Variants in STK32A observed in about 807,000 individuals in gnomAD.
STK32A encodes the protein serine/threonine kinase 32A, also known as serine/threonine-protein kinase 32A.
In STK32A, 41 loss-of-function variants were observed where a neutral mutation model predicts 53.2. The observed-to-expected ratio is 0.77, with a 90% CI of 0.60 to 1.00. STK32A has a LOEUF of 1.00. Ranked by LOEUF, STK32A falls within the 50% of genes least tolerant of loss-of-function variation. The pLI is 0.00. For missense variants in STK32A, 458 were observed against 485.8 expected, an observed-to-expected ratio of 0.94 and a Z score of 0.54; for synonymous variants, 166 against 162.8, an observed-to-expected ratio of 1.02 and a Z score of -0.15.
rs140708281 is a variant in STK32A, at chr5:147,344,665, G to A, written c.472+1622G>A. Among the ~76,000 whole-genome samples the A allele has an allele frequency of 6.8e-4, 103 of 152,302 alleles. 1 individual carries two copies. Among genetic ancestry groups the A allele is most frequent in the African/African-American group, 2.5e-3 (102 of 41,578 alleles). On this transcript the variant is annotated intron_variant, in intron 6 of 12. Transcript: ENST00000397936. ...CTTCTAGCCTATAGAGGCCACCTTT[G>A]TGCAACTTAGGGAGAAGTGCTCCCC... is the stretch of plus-strand genomic sequence containing the variant.
At chr5:147,347,437 C>G (rs1428671750) in intron 6 of STK32A, among the ~76,000 whole-genome samples, 1 of 152,084 alleles carries the variant, frequency 6.6e-6, no homozygotes, top group Non-Finnish European at 1.5e-5. Flanking sequence ...TAATTTTGCT[C>G]TACTCCTTCT....
chr5:147,253,723 T>A (rs1431488867), intron 2 of STK32A, among the ~76,000 whole-genome samples: 1 of 152,172 alleles, frequency 6.6e-6, no homozygotes, highest in Non-Finnish European at 1.5e-5. Flanking sequence ...TCAAGAAGGA[T>A]CCCTGGAGTC....
intron 4 of STK32A, among the ~76,000 whole-genome samples, chr5:147,303,408 C>T (rs771789177): frequency 3.3e-5 from 5 of 152,178 alleles, no homozygotes; most frequent in South Asian, 2.1e-4. Context: ...TCTTCACGTG[C>T]GGGTGGAAGG....
At chr5:147,316,422 T>A (rs1753993378) in intron 4 of STK32A, among the ~76,000 whole-genome samples, 3 of 152,188 alleles carry the variant, frequency 2.0e-5, no homozygotes, top group Non-Finnish European at 1.5e-5. Flanking sequence ...ATTCTACAGT[T>A]ACAAAGCTGT....
chr5:147,308,377 T>C (rs1469584646), intron 4 of STK32A, among the ~76,000 whole-genome samples: 1 of 152,152 alleles, frequency 6.6e-6, no homozygotes, highest in African/African-American at 2.4e-5. Flanking sequence ...ATACAATTGA[T>C]TATTAATATT....
chr5:147,243,107 G>A (rs1753646926), intron 2 of STK32A, among the ~76,000 whole-genome samples: 1 of 52,914 alleles, frequency 1.9e-5, no homozygotes, highest in African/African-American at 6.8e-5. Context: ...TTTTTAAAAA[G>A]TTTTTTAAAA....
At chr5:147,316,859 GA>G (rs35058586) in intron 4 of STK32A, among the ~76,000 whole-genome samples, 24,754 of 61,274 alleles carry the variant, frequency 0.4, 1,855 homozygotes, top group East Asian at 0.48. Context: ...TGTTTCTGGC[GA>G]AAAAAAAAAA....
chr5:147,319,023 A>T (rs1029203058), intron 4 of STK32A, among the ~76,000 whole-genome samples: 1 of 152,082 alleles, frequency 6.6e-6, no homozygotes, highest in Admixed American at 6.6e-5. Flanking sequence ...TTATACAGAG[A>T]GAATTTAGAG....
rs181556360 is a variant in STK32A at position 147,373,336 on chromosome 5, C to T, written c.903+42C>T. 2.5e-4 allele frequency: 394 copies of T among 1,607,360 alleles called. No homozygotes were observed. The East Asian group carries it at 6.4e-3, about 26-fold the overall frequency. ...AAAGCCAAATAACTCCCATTCAGTG[C>T]GCATTACCCGGTGTGCCAGATTCAC... On this transcript the variant is annotated intron_variant, in intron 10 of 12. Transcript: ENST00000397936.
intron 2 of STK32A, among the ~76,000 whole-genome samples, chr5:147,266,411 G>A (rs1019022368): frequency 6.6e-5 from 10 of 152,166 alleles, no homozygotes; most frequent in Non-Finnish European, 1.3e-4. Context: ...TTTGATAATA[G>A]CATGTTGGTA....
chr5:147,239,703 A>T lies in STK32A; in HGVS notation c.52+17A>T. On this transcript the variant is annotated intron_variant, in intron 2 of 12. Coordinates refer to ENST00000397936, the MANE Select transcript of STK32A (RefSeq NM_001112724.2). ...ATGAAGATGGTAAGAAATATGGGAT[A>T]GTGGCATATAAAAAATAGAATTTTG... 1.3e-6 allele frequency: 2 copies of T among 1,587,822 alleles called. No homozygotes were observed. Among genetic ancestry groups the T allele is most frequent in the South Asian group, 1.1e-5 (1 of 87,078 alleles).
chr5:147,338,003 G>T (rs1216208440), intron 5 of STK32A, among the ~76,000 whole-genome samples: 1 of 152,142 alleles, frequency 6.6e-6, no homozygotes. Context: ...AGAGGCCAGG[G>T]TGTTAGATGG....
At chr5:147,392,711 G>T (rs1175103467), downstream of STK32A, 1 of 152,212 alleles carries the variant, frequency 6.6e-6, no homozygotes, top group Non-Finnish European at 1.5e-5. Flanking sequence ...GGTGCCCCAT[G>T]AGGAAGACTG....
chr5:147,389,314 C>G (rs1757744064), downstream of STK32A, among the ~76,000 whole-genome samples: 1 of 152,128 alleles, frequency 6.6e-6, no homozygotes, highest in South Asian at 2.1e-4. Context: ...GCATCCATCC[C>G]TCTTCAGTTA....
At chr5:147,396,880 TATATA>T in the STK32A span, among the ~76,000 whole-genome samples, 5 of 148,740 alleles carry the variant, frequency 3.4e-5, no homozygotes, top group Admixed American at 3.4e-4. Context: ...TATATATATA[TATATA>T]GTGTGTGTAT....
the STK32A span, chr5:147,401,489 C>A: frequency 6.4e-7 from 1 of 1,550,622 alleles, no homozygotes. Context: ...CCCAGCTGGA[C>A]TCAAGAGATG....
chr5:147,266,049 T>A (rs150145705), intron 2 of STK32A, among the ~76,000 whole-genome samples: 1 of 152,308 alleles, frequency 6.6e-6, no homozygotes, highest in African/African-American at 2.4e-5. Context: ...AGGTATACGG[T>A]AGACTGTAAT....
chr5:147,285,511 C>G (rs553171984), intron 4 of STK32A, among the ~76,000 whole-genome samples: 1 of 152,030 alleles, frequency 6.6e-6, no homozygotes, highest in Non-Finnish European at 1.5e-5. Flanking sequence ...AAACAGCCCA[C>G]AGAGTGGAAG....
the STK32A span, chr5:147,394,106 C>T: frequency 6.2e-7 from 1 of 1,614,134 alleles, no homozygotes; most frequent in East Asian, 2.2e-5. Context: ...GAGCGAACCC[C>T]CTCATCCACT....
Sources: gnomAD v4.1 joint callset for allele counts (sites outside exome capture counted in the v4.1 genomes callset) on GRCh38, gnomAD v4.1.1 for gene constraint, MANE v1.5 for transcripts, NCBI Gene and HGNC (gene_info 2026-07-23, HGNC 2026-07-21) for gene names.